SPIN1: variants seen among roughly 807,000 people sequenced by gnomAD.
SPIN1 encodes the protein spindlin 1.
A neutral mutation model predicts 26.0 loss-of-function variants in SPIN1; 3 were observed. That is an observed-to-expected ratio of 0.12 (90% CI 0.05 to 0.30). The LOEUF (loss-of-function observed/expected upper bound fraction) is 0.30, where lower values mean the gene tolerates loss of function less well. Ranked by LOEUF, SPIN1 falls within the 10% of genes least tolerant of loss-of-function variation. The pLI is 1.00. For missense variants in SPIN1, 126 were observed against 333.4 expected (o/e 0.38, Z 4.84); for synonymous variants, 101 against 116.5 (o/e 0.87, Z 0.86).
intron 1 of SPIN1, among the ~76,000 whole-genome samples, chr9:88,402,973 T>C (rs993980927): frequency 1.3e-5 from 2 of 152,176 alleles, no homozygotes; most frequent in African/African-American, 4.8e-5. Flanking sequence ...CTGTTGTTTG[T>C]GTTTTTAATA....
intron 2 of SPIN1, among the ~76,000 whole-genome samples, chr9:88,434,960 G>T (rs1827970287): frequency 6.6e-6 from 1 of 151,428 alleles, no homozygotes; most frequent in Non-Finnish European, 1.5e-5. Context: ...GCTGAGGCGG[G>T]AGAATTATCT....
chr9:88,442,759 A>G (rs1414581931), intron 2 of SPIN1, among the ~76,000 whole-genome samples: 1 of 151,306 alleles, frequency 6.6e-6, no homozygotes, highest in Non-Finnish European at 1.5e-5. Flanking sequence ...TTTTTCTGGC[A>G]TTTATTTGGC....
At chr9:88,419,970 A>G (rs1003817748) in intron 1 of SPIN1, among the ~76,000 whole-genome samples, 7 of 152,190 alleles carry the variant, frequency 4.6e-5, no homozygotes, top group Admixed American at 1.3e-4. Context: ...TGATTTCTCT[A>G]TTGTCCTGTT....
chr9:88,454,022 A>AT (rs963735758), intron 3 of SPIN1, among the ~76,000 whole-genome samples: 1 of 151,914 alleles, frequency 6.6e-6, no homozygotes, highest in Non-Finnish European at 1.5e-5. Context: ...CGATTATTTT[A>AT]TTTTTTTTCT....
intron 1 of SPIN1, among the ~76,000 whole-genome samples, chr9:88,401,927 T>C (rs1292112718): frequency 6.6e-6 from 1 of 152,228 alleles, no homozygotes; most frequent in Non-Finnish European, 1.5e-5. Context: ...TATGAATACT[T>C]GTTGCATGCA....
rs80086870 is a variant in SPIN1, at chr9:88,441,398, C to T, written c.53-7543C>T. On this transcript the variant is annotated intron_variant, in intron 2 of 5. Transcript: ENST00000375859. Reference sequence around the variant, plus strand: ...TGGTTGTATCATCATTGCTGCCATTCGTGTGTGTGTGTGTGTGCGCGCGCG... The same window carrying T: ...TGGTTGTATCATCATTGCTGCCATTTGTGTGTGTGTGTGTGTGCGCGCGCG... Among the ~76,000 whole-genome samples the T allele has an allele frequency of 3.1e-3, 429 of 137,802 alleles. 10 individuals carry two copies. The highest frequency in any genetic ancestry group is 0.021 in the East Asian group (106 of 4,968). The allele number at this position is 137,802 out of a possible 152,430, so 90.4% of individuals were successfully genotyped here. A position where few individuals can be genotyped will look rare whatever the true frequency, so the allele number is the denominator to read the frequency against.
intron 3 of SPIN1, among the ~76,000 whole-genome samples, chr9:88,455,991 C>T (rs1374468298): frequency 6.6e-6 from 1 of 152,174 alleles, no homozygotes; most frequent in South Asian, 2.1e-4. Context: ...GTATATAGTT[C>T]ATCATAGAGA....
rs115837501 is a variant in SPIN1 at position 88,403,394 on chromosome 9, G to A, written c.-159+14856G>A. On this transcript the variant is annotated intron_variant, in intron 1 of 5. Transcript: ENST00000375859. ...TTTATACATTATCTTATGAGGGTGT[G>A]TTCTTAGATGCATTGGTATTTAGAG... Among the ~76,000 whole-genome samples, 347 of 152,214 alleles carry A rather than the reference G, an allele frequency of 2.3e-3. 2 individuals carry two copies. Among genetic ancestry groups the A allele is most frequent in the African/African-American group, 8.0e-3 (334 of 41,532 alleles).
At chr9:88,423,410 A>G (rs1827707992) in intron 1 of SPIN1, among the ~76,000 whole-genome samples, 1 of 151,760 alleles carries the variant, frequency 6.6e-6, no homozygotes, top group African/African-American at 2.4e-5. Context: ...AAATTGGGAA[A>G]TACTACATTA....
intron 2 of SPIN1, among the ~76,000 whole-genome samples, chr9:88,435,766 A>C (rs1387442853): frequency 6.6e-6 from 1 of 152,100 alleles, no homozygotes; most frequent in African/African-American, 2.4e-5. Flanking sequence ...AGTTTCTTGG[A>C]AACAGCCTTT....
In SPIN1 at chr9:88,414,194, A is replaced by G. The variant is rs145531974; in HGVS notation, c.-158-12188A>G. Among the ~76,000 whole-genome samples, 1,210 of 152,258 alleles carry G rather than the reference A, an allele frequency of 7.9e-3. 7 individuals carry two copies. The highest frequency in any genetic ancestry group is 0.02 in the Middle Eastern group (6 of 294). ...TGTCCAGAGTTTTTATTGGTGCTTA[A>G]CTACATCAGCATGATCCATTGAATC... On this transcript the variant is annotated intron_variant, in intron 1 of 5. Transcript: ENST00000375859.
chr9:88,460,299 T>C (rs932303597), intron 3 of SPIN1, among the ~76,000 whole-genome samples: 2 of 152,190 alleles, frequency 1.3e-5, no homozygotes, highest in Non-Finnish European at 2.9e-5. Flanking sequence ...GTGGTGTCTG[T>C]TTCTTCTCAT....
chr9:88,434,189 C>G (rs1382338529), intron 2 of SPIN1, among the ~76,000 whole-genome samples: 1 of 152,032 alleles, frequency 6.6e-6, no homozygotes, highest in Non-Finnish European at 1.5e-5. Context: ...GTTGGTCTTA[C>G]TTTGGAACAT....
rs981622942 is a variant in SPIN1, at chr9:88,477,404, A to G, written c.*2127A>G. On this transcript the variant is annotated 3_prime_UTR_variant, in exon 6 of 6. Coordinates refer to ENST00000375859, the MANE Select transcript of SPIN1 (RefSeq NM_006717.3). ...TGACTTGCATTGTGGTTTTTCTGCA[A>G]GCAACTTTAATGACTTTTTTTATAC... 5.3e-5 allele frequency: 8 copies of G among 152,248 alleles called. No individual in the cohort carries two copies. The highest frequency in any genetic ancestry group is 5.2e-4 in the Admixed American group (8 of 15,282). 9.4% of individuals were successfully genotyped at this position (152,248 alleles called of 1,614,324 possible).
chr9:88,415,555 A>C (rs1396720473), intron 1 of SPIN1: 1 of 152,032 alleles, frequency 6.6e-6, no homozygotes, highest in Non-Finnish European at 1.5e-5. Flanking sequence ...AGCTGGGACT[A>C]CAGGCATGCA....
chr9:88,404,941 A>C (rs1827265113), intron 1 of SPIN1, among the ~76,000 whole-genome samples: 1 of 151,476 alleles, frequency 6.6e-6, no homozygotes, highest in Admixed American at 6.6e-5. Context: ...AAAAAAAAAA[A>C]AACTAAGATA....
intron 2 of SPIN1, among the ~76,000 whole-genome samples, chr9:88,442,375 A>G (rs1564034143): frequency 6.7e-6 from 1 of 148,886 alleles, no homozygotes; most frequent in Non-Finnish European, 1.5e-5. Flanking sequence ...CTCTGTGGTA[A>G]GGTGGTTTCT....
At chr9:88,414,966 T>C (rs1339117054) in intron 1 of SPIN1, among the ~76,000 whole-genome samples, 3 of 152,266 alleles carry the variant, frequency 2.0e-5, no homozygotes, top group South Asian at 4.1e-4. Flanking sequence ...TGCAGTGGCA[T>C]GATCTCGGCT....
chr9:88,465,554 G>A (rs1423526924), intron 4 of SPIN1, among the ~76,000 whole-genome samples: 1 of 152,158 alleles, frequency 6.6e-6, no homozygotes, highest in Non-Finnish European at 1.5e-5. Context: ...TAGTGATATT[G>A]AGCATCTTTT....
Sources: gnomAD v4.1 joint callset for allele counts (sites outside exome capture counted in the v4.1 genomes callset) on GRCh38, gnomAD v4.1.1 for gene constraint, MANE v1.5 for transcripts, NCBI Gene and HGNC (gene_info 2026-07-23, HGNC 2026-07-21) for gene names.